NRCAM: variants seen among roughly 807,000 people sequenced by gnomAD.
NRCAM encodes the protein neuronal cell adhesion molecule.
A neutral mutation model predicts 156.5 loss-of-function variants in NRCAM; 83 were observed. That is an observed-to-expected ratio of 0.53 (90% CI 0.44 to 0.64). The LOEUF (loss-of-function observed/expected upper bound fraction) is 0.64, where lower values mean the gene tolerates loss of function less well. Ranked by LOEUF, NRCAM falls within the 30% of genes least tolerant of loss-of-function variation. The pLI is 0.00. For missense variants in NRCAM, 1,417 were observed against 1,597.3 expected (o/e 0.89, Z 1.92); for synonymous variants, 538 against 563.9 (o/e 0.95, Z 0.65).
intron 11 of NRCAM, among the ~76,000 whole-genome samples, chr7:108,221,372 CATT>C (rs1159685850): frequency 6.6e-6 from 1 of 152,184 alleles, no homozygotes; most frequent in African/African-American, 2.4e-5. Flanking sequence ...GAAAAGAAGT[CATT>C]ATACAGAAAA....
At chr7:108,207,485 C>A in intron 13 of NRCAM, 43 bp downstream of exon 13, 1 of 1,597,556 alleles carries the variant, frequency 6.3e-7, no homozygotes, top group Non-Finnish European at 8.6e-7. Flanking sequence ...TGTATATATG[C>A]TCTGAAAATA....
intron 3 of NRCAM, among the ~76,000 whole-genome samples, chr7:108,288,011 A>G (rs1029282086): frequency 6.6e-6 from 1 of 152,142 alleles, no homozygotes; most frequent in African/African-American, 2.4e-5. Context: ...TAGCGTATAT[A>G]CATGCACACA....
At chr7:108,192,840 C>A (rs926007942) in intron 17 of NRCAM, among the ~76,000 whole-genome samples, 1 of 152,080 alleles carries the variant, frequency 6.6e-6, no homozygotes, top group Admixed American at 6.6e-5. Context: ...TTTAGATGAA[C>A]AATCTCTCTA....
chr7:108,316,528 C>T (rs1348807035), intron 2 of NRCAM, among the ~76,000 whole-genome samples: 5 of 152,088 alleles, frequency 3.3e-5, no homozygotes, highest in Non-Finnish European at 5.9e-5. Context: ...GTAATCCCAG[C>T]ACTTTGGGAG....
intron 1 of NRCAM, among the ~76,000 whole-genome samples, chr7:108,401,314 G>A (rs1386422080): frequency 6.6e-6 from 1 of 152,140 alleles, no homozygotes; most frequent in Non-Finnish European, 1.5e-5. Flanking sequence ...GCTGAGGCAG[G>A]TGGATCACTT....
intron 32 of NRCAM, among the ~76,000 whole-genome samples, chr7:108,157,893 T>C (rs1265456841): frequency 1.3e-5 from 2 of 152,112 alleles, no homozygotes; most frequent in Non-Finnish European, 2.9e-5. Flanking sequence ...TTCATGCAAA[T>C]ACATTTTTTT....
At chr7:108,347,568 CCT>C (rs935055544) in intron 2 of NRCAM, among the ~76,000 whole-genome samples, 1 of 152,114 alleles carries the variant, frequency 6.6e-6, no homozygotes. Context: ...AGAACCATCC[CCT>C]GAGGATTTGA....
intron 8 of NRCAM, 75 bp from the exon 9 acceptor site, chr7:108,226,453 AC>A (rs2093453663): frequency 1.0e-6 from 1 of 987,360 alleles, no homozygotes; most frequent in African/African-American, 1.6e-5. Flanking sequence ...AGATAAATGT[AC>A]CTACTAATAG....
intron 13 of NRCAM, among the ~76,000 whole-genome samples, chr7:108,204,761 T>C (rs1041400717): frequency 2.2e-4 from 34 of 152,176 alleles, no homozygotes; most frequent in African/African-American, 8.2e-4. Flanking sequence ...TTTTTCTGTC[T>C]CAGGGGGCCT....
At position 108,387,230 on chromosome 7, in the gene NRCAM, C is replaced by A. The variant is rs1037353474; in HGVS notation, c.-174+12206G>T. Among the ~76,000 whole-genome samples, 6 of 152,228 alleles carry A rather than the reference C, an allele frequency of 3.9e-5. No homozygotes were observed. In the South Asian group the frequency reaches 1.2e-3, roughly 32 times the overall value. On this transcript the variant is annotated intron_variant, in intron 2 of 32. Coordinates refer to ENST00000379028, the MANE Select transcript of NRCAM (RefSeq NM_001037132.4). ...AATCACTATAGTTTCCCTTTGGAAT[C>A]CTGTCCAATTTCTCCACATACCTTA...
At chr7:108,439,883 A>C (rs1836702143) in intron 1 of NRCAM, among the ~76,000 whole-genome samples, 1 of 151,020 alleles carries the variant, frequency 6.6e-6, no homozygotes, top group African/African-American at 2.4e-5. Context: ...ATTGGCAAGG[A>C]TGTCAAGAAG....
At chr7:108,208,877 A>G (rs1045124652) in intron 12 of NRCAM, among the ~76,000 whole-genome samples, 10 of 152,200 alleles carry the variant, frequency 6.6e-5, no homozygotes, top group African/African-American at 2.4e-4. Flanking sequence ...CACTTGGTTA[A>G]GACAGTGTCT....
At chr7:108,200,656 C>G (rs895070971) in intron 13 of NRCAM, among the ~76,000 whole-genome samples, 2 of 152,018 alleles carry the variant, frequency 1.3e-5, no homozygotes, top group South Asian at 4.2e-4. Context: ...CTTGCACACA[C>G]ATGTTGATAG....
chr7:108,388,065 T>C (rs2099747127), intron 2 of NRCAM, among the ~76,000 whole-genome samples: 2 of 152,202 alleles, frequency 1.3e-5, no homozygotes, highest in South Asian at 4.1e-4. Context: ...ATCTTTTGGG[T>C]ATATACCCAG....
intron 28 of NRCAM, among the ~76,000 whole-genome samples, chr7:108,169,178 C>T (rs2056900245): frequency 6.6e-6 from 1 of 152,152 alleles, no homozygotes; most frequent in Admixed American, 6.5e-5. Flanking sequence ...ACCTAAATAG[C>T]TTCTTAAAAA....
At chr7:108,332,127 T>G (rs1301782292) in intron 2 of NRCAM, among the ~76,000 whole-genome samples, 1 of 152,292 alleles carries the variant, frequency 6.6e-6, no homozygotes, top group East Asian at 1.9e-4. Flanking sequence ...TCACGTCATT[T>G]GAGGAAAGTG....
chr7:108,308,960 T>C (rs758841946), intron 3 of NRCAM, among the ~76,000 whole-genome samples: 1 of 152,242 alleles, frequency 6.6e-6, no homozygotes, highest in Non-Finnish European at 1.5e-5. Flanking sequence ...TACAGAAATG[T>C]TGCACATTGA....
intron 8 of NRCAM, among the ~76,000 whole-genome samples, chr7:108,226,668 GT>G (rs2093509663): frequency 6.6e-6 from 1 of 152,082 alleles, no homozygotes; most frequent in Non-Finnish European, 1.5e-5. Flanking sequence ...AACAAAATAT[GT>G]TTTATAAAAA....
At chr7:108,189,522 C>G (rs1268234178) in intron 20 of NRCAM, 123 bp downstream of exon 20, 2 of 625,614 alleles carry the variant, frequency 3.2e-6, no homozygotes, top group Non-Finnish European at 5.7e-6. Flanking sequence ...TATTTTTATT[C>G]TATCAGTAAT....
Sources: allele counts gnomAD v4.1 joint callset (sites outside exome capture counted in the v4.1 genomes callset), GRCh38; gene constraint gnomAD v4.1.1; transcripts MANE v1.5; gene names NCBI Gene and HGNC (gene_info 2026-07-23, HGNC 2026-07-21).